TMEM132C: variants seen among roughly 807,000 people sequenced by gnomAD.
TMEM132C encodes transmembrane protein 132C, also known as protein phosphatase 1, regulatory subunit 152.
TMEM132C carries 29 observed loss-of-function variants against 61.4 expected under a neutral mutation model. The observed-to-expected ratio is 0.47, with a 90% CI of 0.35 to 0.64. The LOEUF (loss-of-function observed/expected upper bound fraction) is 0.64, where lower values mean the gene tolerates loss of function less well. TMEM132C is among the 30% of genes least tolerant of loss of function. The pLI is 0.00. For synonymous variants in TMEM132C, 656 were observed against 633.1 expected (o/e 1.04, Z -0.54); for missense variants, 1,408 against 1,476.9 (o/e 0.95, Z 0.76).
At chr12:128,576,682 T>A (rs1401253174) in intron 3 of TMEM132C, among the ~76,000 whole-genome samples, 2 of 152,200 alleles carry the variant, frequency 1.3e-5, no homozygotes, top group African/African-American at 4.8e-5. Flanking sequence ...CATGTGAAAA[T>A]TGAGACAGGT....
At chr12:128,683,300 G>C (rs528351682) in intron 5 of TMEM132C, among the ~76,000 whole-genome samples, 1 of 152,124 alleles carries the variant, frequency 6.6e-6, no homozygotes, top group Non-Finnish European at 1.5e-5. Context: ...CACTGGGCTC[G>C]TTCCCCTACT....
At chr12:128,493,024 G>A (rs1216097226) in intron 2 of TMEM132C, among the ~76,000 whole-genome samples, 1 of 152,078 alleles carries the variant, frequency 6.6e-6, no homozygotes, top group African/African-American at 2.4e-5. Context: ...ATTAATTTTT[G>A]TATAAGGTGT....
intron 2 of TMEM132C, among the ~76,000 whole-genome samples, chr12:128,498,414 A>T (rs546488560): frequency 6.6e-6 from 1 of 152,146 alleles, no homozygotes; most frequent in African/African-American, 2.4e-5. Flanking sequence ...AGTGGCTCAC[A>T]CCTGTAATCC....
chr12:128,583,757 C>T (rs370479327), intron 3 of TMEM132C, among the ~76,000 whole-genome samples: 1 of 152,234 alleles, frequency 6.6e-6, no homozygotes, highest in African/African-American at 2.4e-5. Flanking sequence ...CCCGCCCCAC[C>T]CCAACCACAA....
Position 128,463,136 on chromosome 12 carries a change from G to A in TMEM132C, c.974+47516G>A, listed in dbSNP as rs538234054. 1.1e-4 allele frequency among the ~76,000 whole-genome samples: 17 copies of A among 152,166 alleles called. No individual in the cohort carries two copies. The South Asian group carries it at 2.9e-3, about 26-fold the overall frequency. On this transcript the variant is annotated intron_variant, in intron 2 of 8. Transcript: ENST00000435159. The stretch of plus-strand genomic sequence containing the variant: ...GCAAAAGCTAGCCTGGAGGTCTTCC[G>A]GCTACCTCCAATTATATATCACCAA...
intron 3 of TMEM132C, among the ~76,000 whole-genome samples, chr12:128,583,925 C>G (rs913598372): frequency 6.6e-6 from 1 of 152,186 alleles, no homozygotes; most frequent in African/African-American, 2.4e-5. Context: ...CTCTGTGGGG[C>G]TCTTGGAGCT....
chr12:128,430,432 G>A (rs1020840526), intron 2 of TMEM132C, among the ~76,000 whole-genome samples: 16 of 152,060 alleles, frequency 1.1e-4, no homozygotes, highest in Admixed American at 7.9e-4. Flanking sequence ...AACATAATGA[G>A]AACTTAACTG....
intron 1 of TMEM132C, among the ~76,000 whole-genome samples, chr12:128,340,158 A>G (rs1872910745): frequency 6.6e-6 from 1 of 152,116 alleles, no homozygotes; most frequent in Non-Finnish European, 1.5e-5. Context: ...AAGTATGGGG[A>G]TGTGCCGAAG....
At chr12:128,592,891 C>T (rs972540989) in intron 3 of TMEM132C, among the ~76,000 whole-genome samples, 3 of 152,358 alleles carry the variant, frequency 2.0e-5, no homozygotes, top group African/African-American at 7.2e-5. Context: ...CCTAGGGCCA[C>T]GTTTCCCTCT....
At chr12:128,488,443 C>G (rs1156534427) in intron 2 of TMEM132C, among the ~76,000 whole-genome samples, 1 of 152,086 alleles carries the variant, frequency 6.6e-6, no homozygotes, top group East Asian at 1.9e-4. Flanking sequence ...GGTGGATCAC[C>G]TGAGGTCGGG....
rs759602196 is a variant in TMEM132C, at chr12:128,706,061, C to G, written c.3093C>G (p.Ser1031=). Reference sequence around the variant, plus strand: ...GCCAGATTCACAGGTCAGCCGACTCCGGGGGGCGGCAGGGCAGAGAACAGA... The same window carrying G: ...GCCAGATTCACAGGTCAGCCGACTCGGGGGGGCGGCAGGGCAGAGAACAGA... The part of the protein sequence containing the change: ...VQSQIHRSAD[S]GGRQGREQKQ... Residue 1031 remains serine, a synonymous_variant, in exon 9 of 9, where the codon TCC becomes TCG. Transcript: ENST00000435159. 4 of 1,551,680 alleles carry G rather than the reference C, an allele frequency of 2.6e-6. No individual in the cohort carries two copies. Among genetic ancestry groups the G allele is most frequent in the South Asian group, 2.4e-5 (2 of 84,064 alleles).
chr12:128,698,748 T>G (rs865943795), intron 8 of TMEM132C, among the ~76,000 whole-genome samples: 38 of 152,216 alleles, frequency 2.5e-4, no homozygotes, highest in Non-Finnish European at 4.0e-4. Flanking sequence ...CAGTTTCCTC[T>G]GGTGACTTGC....
intron 3 of TMEM132C, among the ~76,000 whole-genome samples, chr12:128,592,640 G>A (rs989814339): frequency 6.6e-6 from 1 of 152,228 alleles, no homozygotes; most frequent in South Asian, 2.1e-4. Flanking sequence ...GCCCTGGCTG[G>A]AAACTTGCTG....
chr12:128,477,427 A>G (rs1318755600), intron 2 of TMEM132C, among the ~76,000 whole-genome samples: 1 of 152,226 alleles, frequency 6.6e-6, no homozygotes, highest in Non-Finnish European at 1.5e-5. Context: ...AGATAAGTCC[A>G]TGGCTCAGCC....
chr12:128,559,041 G>T (rs1251653444), intron 3 of TMEM132C, among the ~76,000 whole-genome samples: 1 of 151,992 alleles, frequency 6.6e-6, no homozygotes, highest in Non-Finnish European at 1.5e-5. Flanking sequence ...CCCCAGAGGT[G>T]ATCAACATTT....
intron 2 of TMEM132C, among the ~76,000 whole-genome samples, chr12:128,482,443 C>T (rs1593069195): frequency 6.6e-6 from 1 of 152,024 alleles, no homozygotes; most frequent in South Asian, 2.1e-4. Context: ...TTGTTGTTGT[C>T]GTTGTGTCTC....
chr12:128,583,303 A>C (rs1875414414), intron 3 of TMEM132C, among the ~76,000 whole-genome samples: 2 of 150,646 alleles, frequency 1.3e-5, no homozygotes, highest in Admixed American at 1.3e-4. Context: ...CATAAGTAAG[A>C]GTTTTTTGAA....
chr12:128,315,276 G>A (rs941794509), intron 1 of TMEM132C, among the ~76,000 whole-genome samples: 5 of 152,202 alleles, frequency 3.3e-5, no homozygotes, highest in African/African-American at 1.2e-4. Flanking sequence ...TCAGTGTGTG[G>A]AGAGGAACGG....
intron 2 of TMEM132C, among the ~76,000 whole-genome samples, chr12:128,484,974 G>GGGAAGGAGGGAAGGAA (rs1871437819): frequency 1.3e-5 from 2 of 152,144 alleles, no homozygotes; most frequent in East Asian, 1.9e-4. Context: ...GAGGCAGGGA[G>GGGAAGGAGGGAAGGAA]GGAAGGAGGG....
Sources: gnomAD v4.1 joint callset for allele counts (sites outside exome capture counted in the v4.1 genomes callset) on GRCh38, gnomAD v4.1.1 for gene constraint, MANE v1.5 for transcripts, NCBI Gene and HGNC (gene_info 2026-07-23, HGNC 2026-07-21) for gene names.